Variants in NKAIN3 observed in about 807,000 individuals in gnomAD.
NKAIN3 encodes the protein sodium/potassium transporting ATPase interacting 3.
Under a neutral mutation model 30.2 loss-of-function variants are expected in NKAIN3, and 25 were observed. That is an observed-to-expected ratio of 0.83 (90% CI 0.60 to 1.16). The LOEUF (loss-of-function observed/expected upper bound fraction) is 1.16. Ranked by LOEUF, NKAIN3 falls within the 50% of genes most tolerant of loss-of-function variation. NKAIN3 has a pLI of 0.00. For missense variants in NKAIN3, 225 were observed against 254.1 expected, an observed-to-expected ratio of 0.89 and a Z score of 0.78; for synonymous variants, 91 against 89.6, an observed-to-expected ratio of 1.02 and a Z score of -0.09.
intron 1 of NKAIN3, among the ~76,000 whole-genome samples, chr8:62,369,918 AG>A (rs1475704672): frequency 6.6e-6 from 1 of 151,962 alleles, no homozygotes; most frequent in East Asian, 1.9e-4. Context: ...CAGCCAAGAT[AG>A]AAAAAAAAAG....
chr8:62,587,972 A>T (rs1810531472), intron 2 of NKAIN3, among the ~76,000 whole-genome samples: 1 of 151,954 alleles, frequency 6.6e-6, no homozygotes, highest in Admixed American at 6.6e-5. Flanking sequence ...ACTAAAAAAT[A>T]CCTGTGCATT....
chr8:62,878,547 G>A (rs1238053903), intron 4 of NKAIN3, among the ~76,000 whole-genome samples: 1 of 151,808 alleles, frequency 6.6e-6, no homozygotes, highest in African/African-American at 2.4e-5. Context: ...AAGTTTTAGG[G>A]TACATGTGCA....
At chr8:62,272,483 C>CA (rs768411835) in intron 1 of NKAIN3, among the ~76,000 whole-genome samples, 11 of 152,166 alleles carry the variant, frequency 7.2e-5, no homozygotes, top group Non-Finnish European at 1.6e-4. Context: ...AGGCTAAAGA[C>CA]AAAAGTCCTC....
At chr8:62,301,736 C>G (rs564892527) in intron 1 of NKAIN3, among the ~76,000 whole-genome samples, 1 of 151,998 alleles carries the variant, frequency 6.6e-6, no homozygotes, top group South Asian at 2.1e-4. Context: ...GAAATAGAAC[C>G]GGTTTCCCAG....
intron 4 of NKAIN3, among the ~76,000 whole-genome samples, chr8:62,811,244 C>T (rs1037594375): frequency 6.6e-6 from 1 of 151,962 alleles, no homozygotes; most frequent in African/African-American, 2.4e-5. Flanking sequence ...TATGGGTGTA[C>T]CATAGCTTAT....
chr8:62,595,587 T>A (rs1328328798), intron 3 of NKAIN3, among the ~76,000 whole-genome samples: 1 of 151,998 alleles, frequency 6.6e-6, no homozygotes, highest in Non-Finnish European at 1.5e-5. Context: ...TTTTGCCTAA[T>A]TAGCATTTTA....
chr8:62,530,895 T>A (rs1039975200), intron 1 of NKAIN3, among the ~76,000 whole-genome samples: 3 of 152,114 alleles, frequency 2.0e-5, no homozygotes, highest in Non-Finnish European at 4.4e-5. Flanking sequence ...TCTGCCCACC[T>A]CGGCCTCCCA....
chr8:62,717,314 TTAACTA>T (rs1158109438), intron 3 of NKAIN3, among the ~76,000 whole-genome samples: 1 of 152,206 alleles, frequency 6.6e-6, no homozygotes, highest in Non-Finnish European at 1.5e-5. Context: ...TATCAGGATA[TTAACTA>T]TAACATATTA....
chr8:62,605,980 G>A (rs1811112640), intron 3 of NKAIN3, among the ~76,000 whole-genome samples: 1 of 152,222 alleles, frequency 6.6e-6, no homozygotes, highest in Non-Finnish European at 1.5e-5. Context: ...AGGGAATTAA[G>A]AGCAAAGAAC....
At chr8:62,376,218 A>G (rs1817079027) in intron 1 of NKAIN3, among the ~76,000 whole-genome samples, 1 of 152,212 alleles carries the variant, frequency 6.6e-6, no homozygotes, top group Non-Finnish European at 1.5e-5. Context: ...CAGATCCTTC[A>G]CGCATGGGAA....
intron 5 of NKAIN3, among the ~76,000 whole-genome samples, chr8:62,951,238 A>G (rs769965275): frequency 1.4e-4 from 21 of 152,090 alleles, no homozygotes; most frequent in Non-Finnish European, 2.5e-4. Flanking sequence ...GTCAGTGGAG[A>G]GCACCTGGAA....
intron 1 of NKAIN3, among the ~76,000 whole-genome samples, chr8:62,301,893 A>G (rs903656515): frequency 6.6e-6 from 1 of 152,094 alleles, no homozygotes; most frequent in Admixed American, 6.6e-5. Context: ...ATGCCAATAG[A>G]AACTTAAACG....
At chr8:62,570,703 G>A (rs1007561578) in intron 1 of NKAIN3, among the ~76,000 whole-genome samples, 4 of 152,034 alleles carry the variant, frequency 2.6e-5, no homozygotes, top group African/African-American at 9.7e-5. Context: ...AGATTTGGGT[G>A]GGGACACAGA....
intron 1 of NKAIN3, among the ~76,000 whole-genome samples, chr8:62,432,783 T>C (rs1406092833): frequency 1.3e-5 from 2 of 152,118 alleles, no homozygotes; most frequent in African/African-American, 2.4e-5. Context: ...CAGGAGACTG[T>C]TTTTTCCCTT....
In NKAIN3 at chr8:62,366,979, T is replaced by TTCCACATA. The variant is rs1217905805; in HGVS notation, c.54+117854_54+117861dup. Among the ~76,000 whole-genome samples, 21 of 152,180 alleles carry TTCCACATA rather than the reference T, an allele frequency of 1.4e-4. 1 individual carries two copies. The highest frequency in any genetic ancestry group is 2.6e-4 in the Non-Finnish European group (18 of 68,014). ...GTTATTTAGGAGCATGTTGTTTCATTTCCACATATTTGTTAATTTTTCAGA... is the reference window on the plus strand; with the variant it reads ...GTTATTTAGGAGCATGTTGTTTCATTTCCACATATCCACATATTTGTTAATTTTTCAGA... On this transcript the variant is annotated intron_variant, in intron 1 of 6. Coordinates refer to ENST00000623646, the MANE Select transcript of NKAIN3 (RefSeq NM_001304533.3).
At chr8:62,467,060 T>C (rs916887739) in intron 1 of NKAIN3, among the ~76,000 whole-genome samples, 1 of 152,128 alleles carries the variant, frequency 6.6e-6, no homozygotes, top group Non-Finnish European at 1.5e-5. Flanking sequence ...ACCTCACTTC[T>C]TTTCCTGCTC....
chr8:62,271,316 C>G (rs1227957542), intron 1 of NKAIN3, among the ~76,000 whole-genome samples: 1 of 152,090 alleles, frequency 6.6e-6, no homozygotes, highest in Non-Finnish European at 1.5e-5. Flanking sequence ...TGTCTTTAAG[C>G]ACAAGATTTG....
At chr8:62,502,516 CTCT>C (rs1807489165) in intron 1 of NKAIN3, among the ~76,000 whole-genome samples, 1 of 146,230 alleles carries the variant, frequency 6.8e-6, no homozygotes, top group Non-Finnish European at 1.5e-5. Context: ...CTCTTTTTAT[CTCT>C]TCTTCTTCTC....
chr8:62,872,955 C>T (rs1820690764), intron 4 of NKAIN3, among the ~76,000 whole-genome samples: 1 of 152,176 alleles, frequency 6.6e-6, no homozygotes, highest in African/African-American at 2.4e-5. Flanking sequence ...AGTGCATCAA[C>T]TCATGTACAA....
Sources: allele counts gnomAD v4.1 joint callset (sites outside exome capture counted in the v4.1 genomes callset), GRCh38; gene constraint gnomAD v4.1.1; transcripts MANE v1.5; gene names NCBI Gene and HGNC (gene_info 2026-07-23, HGNC 2026-07-21).